EDA: variants seen among roughly 807,000 people sequenced by gnomAD.
EDA encodes ectodysplasin-A.
EDA carries 2 observed loss-of-function variants against 23.6 expected under a neutral mutation model. That is an observed-to-expected ratio of 0.08 (90% confidence interval 0.03 to 0.27). EDA has a LOEUF of 0.27. Ranked by LOEUF, EDA falls within the 10% of genes least tolerant of loss-of-function variation. The pLI, the probability that EDA is intolerant of heterozygous loss-of-function variation, is 1.00. For synonymous variants in EDA, 131 were observed against 132.0 expected (o/e 0.99, Z 0.05); for missense variants, 229 against 324.2 (o/e 0.71, Z 2.26).
intron 1 of EDA, among the ~76,000 whole-genome samples, chrX:69,850,802 T>C (rs1165499847): frequency 2.7e-5 from 3 of 112,438 alleles, no homozygotes; most frequent in African/African-American, 9.7e-5. Flanking sequence ...TCTAGCCACA[T>C]TGAATTAGTT....
intron 1 of EDA, among the ~76,000 whole-genome samples, chrX:69,715,718 T>G (rs1207074784): frequency 8.9e-6 from 1 of 112,320 alleles, no homozygotes; most frequent in Non-Finnish European, 1.9e-5. Flanking sequence ...AAGCATTCTC[T>G]TTTCTTTGCA....
chrX:69,651,187 T>G (rs1933092689), intron 1 of EDA, among the ~76,000 whole-genome samples: 1 of 111,720 alleles, frequency 9.0e-6, no homozygotes, highest in African/African-American at 3.3e-5. Flanking sequence ...AGTTTGAATT[T>G]TGACCTAAGT....
chrX:69,743,791 G>C (rs999336536), intron 1 of EDA, among the ~76,000 whole-genome samples: 2 of 111,594 alleles, frequency 1.8e-5, no homozygotes, highest in African/African-American at 6.5e-5. Context: ...TCCATAGCCT[G>C]TTTCTATTTA....
chrX:69,835,347 A>G (rs1013992191), intron 1 of EDA, among the ~76,000 whole-genome samples: 1 of 112,060 alleles, frequency 8.9e-6, no homozygotes, highest in Non-Finnish European at 1.9e-5. Context: ...TTTCAGGTAC[A>G]CCAGTCAAAT....
rs1304356409 is a variant in EDA at position 69,693,747 on chromosome X, T to A, written c.396+77043T>A. The stretch of plus-strand genomic sequence containing the variant: ...TTGCTTTATAATTTGTCCAGTAAAA[T>A]AGTACTTCTATTGCTGGAGATTTCT... On this transcript the variant is annotated intron_variant, in intron 1 of 7. Coordinates refer to ENST00000374552, the MANE Select transcript of EDA (RefSeq NM_001399.5). Among the ~76,000 whole-genome samples, 9 of 112,100 alleles carry A rather than the reference T, an allele frequency of 8.0e-5. No individual in the cohort carries two copies. The Admixed American group carries it at 8.5e-4, about 11-fold the overall frequency.
At chrX:69,824,323 C>G (rs1170602292) in intron 1 of EDA, among the ~76,000 whole-genome samples, 3 of 110,078 alleles carry the variant, frequency 2.7e-5, no homozygotes, top group African/African-American at 6.6e-5. Context: ...ATTCTTCCTA[C>G]GCATGAGCAT....
chrX:69,707,755 G>C (rs905230538), intron 1 of EDA, among the ~76,000 whole-genome samples: 1 of 110,621 alleles, frequency 9.0e-6, no homozygotes, highest in Non-Finnish European at 1.9e-5. Context: ...AGATTTTTTG[G>C]ATCCAGATGA....
intron 1 of EDA, among the ~76,000 whole-genome samples, chrX:69,711,452 C>A (rs990117004): frequency 9.0e-6 from 1 of 111,327 alleles, no homozygotes; most frequent in African/African-American, 3.3e-5. Flanking sequence ...GTCTAAAATT[C>A]TCTTTTTTGG....
At chrX:69,885,913 G>A (rs753820712) in intron 1 of EDA, among the ~76,000 whole-genome samples, 3 of 111,917 alleles carry the variant, frequency 2.7e-5, no homozygotes, top group African/African-American at 6.5e-5. Flanking sequence ...AGTATCAGAT[G>A]TGGACCTTGA....
chrX:69,883,933 C>T (rs1245069941), intron 1 of EDA, among the ~76,000 whole-genome samples: 2 of 110,017 alleles, frequency 1.8e-5, no homozygotes, highest in Non-Finnish European at 3.8e-5. Flanking sequence ...ATTGTCTCTA[C>T]AAAAAATAAA....
At chrX:69,947,109 G>T (rs188354752) in intron 1 of EDA, among the ~76,000 whole-genome samples, 82 of 112,094 alleles carry the variant, frequency 7.3e-4, no homozygotes, top group Middle Eastern at 9.3e-3. Context: ...CTCTTTATGT[G>T]CCAAAGCACC....
intron 1 of EDA, among the ~76,000 whole-genome samples, chrX:69,695,998 G>A (rs1292404432): frequency 2.7e-5 from 3 of 110,300 alleles, no homozygotes; most frequent in African/African-American, 9.9e-5. Context: ...TCAGCACTTT[G>A]GGAGGCCGAG....
chrX:69,846,820 G>T (rs1009537680), intron 1 of EDA, among the ~76,000 whole-genome samples: 1 of 111,566 alleles, frequency 9.0e-6, no homozygotes, highest in Non-Finnish European at 1.9e-5. Flanking sequence ...TGACTCCTTC[G>T]GTGTACTAAA....
intron 1 of EDA, among the ~76,000 whole-genome samples, chrX:69,781,705 C>A (rs1273627620): frequency 9.0e-6 from 1 of 110,769 alleles, no homozygotes; most frequent in Non-Finnish European, 1.9e-5. Flanking sequence ...TCAACAGAAA[C>A]CTATAGTCAC....
At chrX:69,861,050 T>A (rs969894707) in intron 1 of EDA, 8 of 474,982 alleles carry the variant, frequency 1.7e-5, no homozygotes, top group Non-Finnish European at 3.0e-5. Context: ...AATAAAGATG[T>A]GTTTAGGCAA....
At chrX:69,649,494 A>G (rs1933033000) in intron 1 of EDA, among the ~76,000 whole-genome samples, 1 of 111,948 alleles carries the variant, frequency 8.9e-6, no homozygotes, top group African/African-American at 3.2e-5. Flanking sequence ...GCTTATAGCA[A>G]GCTTCCCAGT....
chrX:69,876,365 A>G (rs1245558297), intron 1 of EDA, among the ~76,000 whole-genome samples: 2 of 110,664 alleles, frequency 1.8e-5, no homozygotes, highest in Non-Finnish European at 3.8e-5. Context: ...CTTAGAAATC[A>G]CCATTGAAGA....
At chrX:69,912,169 A>G (rs2018276589) in intron 1 of EDA, among the ~76,000 whole-genome samples, 1 of 111,757 alleles carries the variant, frequency 8.9e-6, no homozygotes, top group African/African-American at 3.2e-5. Flanking sequence ...GCAGCAATTG[A>G]GTCACATCTT....
At chrX:69,630,287 C>T (rs1452891794) in intron 1 of EDA, among the ~76,000 whole-genome samples, 1 of 111,394 alleles carries the variant, frequency 9.0e-6, no homozygotes, top group African/African-American at 3.3e-5. Context: ...AAATGTGATT[C>T]ATAGTTCAGG....
Sources: allele counts gnomAD v4.1 joint callset (sites outside exome capture counted in the v4.1 genomes callset), GRCh38; gene constraint gnomAD v4.1.1; transcripts MANE v1.5; gene names NCBI Gene and HGNC (gene_info 2026-07-23, HGNC 2026-07-21).